CAPS2: variants seen among roughly 807,000 people sequenced by gnomAD.
The protein encoded by CAPS2 is calcyphosin-2.
A neutral mutation model predicts 86.5 loss-of-function variants in CAPS2; 98 were observed. That is an observed-to-expected ratio of 1.13 (90% CI 0.96 to 1.34). The LOEUF is 1.34. Ranked by LOEUF, CAPS2 falls within the 40% of genes most tolerant of loss-of-function variation. CAPS2 has a pLI of 0.00. For synonymous variants in CAPS2, 210 were observed against 225.1 expected (o/e 0.93, Z 0.60); for missense variants, 729 against 686.8 (o/e 1.06, Z -0.69).
chr12:75,316,196 A>G, intron 6 of CAPS2, 116 bp downstream of exon 6: 1 of 1,272,204 alleles, frequency 7.9e-7, no homozygotes, highest in Non-Finnish European at 1.1e-6. Context: ...ATTAATGAAT[A>G]TTCACCCGAG....
intron 1 of CAPS2, among the ~76,000 whole-genome samples, chr12:75,354,209 CTT>C (rs1201837639): frequency 1.3e-5 from 2 of 151,482 alleles, no homozygotes; most frequent in Non-Finnish European, 2.9e-5. Flanking sequence ...GTCAAATTGT[CTT>C]TGTCTTTGTT....
intron 1 of CAPS2, among the ~76,000 whole-genome samples, chr12:75,355,805 G>T (rs917700348): frequency 6.6e-6 from 1 of 152,132 alleles, no homozygotes; most frequent in African/African-American, 2.4e-5. Flanking sequence ...CCATAAAAAG[G>T]AATGAGATCA....
At chr12:75,380,161 C>T (rs968389034) in intron 1 of CAPS2, among the ~76,000 whole-genome samples, 4 of 151,858 alleles carry the variant, frequency 2.6e-5, no homozygotes, top group Admixed American at 2.6e-4. Context: ...TAAAAAGAAA[C>T]ACTTCTGACG....
intron 14 of CAPS2, among the ~76,000 whole-genome samples, chr12:75,286,671 G>A (rs2034929522): frequency 6.6e-6 from 1 of 151,628 alleles, no homozygotes; most frequent in East Asian, 1.9e-4. Flanking sequence ...CTCAAATCAG[G>A]GAGAATGGCT....
chr12:75,288,852 G>A (rs751904993), intron 14 of CAPS2, among the ~76,000 whole-genome samples: 2 of 152,022 alleles, frequency 1.3e-5, no homozygotes, highest in Non-Finnish European at 2.9e-5. Flanking sequence ...CTACTGGCAG[G>A]CAGAGTCAGA....
intron 1 of CAPS2, among the ~76,000 whole-genome samples, chr12:75,341,289 C>T (rs749509341): frequency 6.6e-6 from 1 of 152,066 alleles, no homozygotes; most frequent in Non-Finnish European, 1.5e-5. Flanking sequence ...AACTGTGGTA[C>T]ATCTATACCA....
chr12:75,330,713 TATA>T (rs1411023719), upstream of CAPS2, among the ~76,000 whole-genome samples: 1 of 152,074 alleles, frequency 6.6e-6, no homozygotes, highest in Admixed American at 6.6e-5. Context: ...TGTGTGTATA[TATA>T]ATTAAAATTT....
At chr12:75,304,318 T>C (rs2038179557) in intron 8 of CAPS2, among the ~76,000 whole-genome samples, 2 of 152,160 alleles carry the variant, frequency 1.3e-5, no homozygotes, top group Admixed American at 1.3e-4. Context: ...GTTGAAGAAT[T>C]TAAGTGGACA....
chr12:75,332,429 G>A (rs2041396687), upstream of CAPS2, among the ~76,000 whole-genome samples: 1 of 151,926 alleles, frequency 6.6e-6, no homozygotes, highest in Non-Finnish European at 1.5e-5. Context: ...GTATTTATTT[G>A]TTCATTCAGC....
At chr12:75,375,059 G>A (rs931752558) in intron 1 of CAPS2, among the ~76,000 whole-genome samples, 5 of 152,146 alleles carry the variant, frequency 3.3e-5, no homozygotes, top group Non-Finnish European at 7.4e-5. Flanking sequence ...CTGCAATATT[G>A]TTTTTGATTT....
chr12:75,319,085 T>C (rs2040057541), intron 5 of CAPS2, among the ~76,000 whole-genome samples: 2 of 152,184 alleles, frequency 1.3e-5, no homozygotes, highest in South Asian at 4.1e-4. Context: ...AGATGTCTCA[T>C]TATTTTAAAA....
chr12:75,316,416 C>G lies in CAPS2; in HGVS notation c.487G>C (p.Ala163Pro), dbSNP rs374515332. The G allele has an allele frequency of 1.5e-4, 238 of 1,549,692 alleles. No individual in the cohort carries two copies. In the African/African-American group the frequency reaches 2.7e-3, roughly 17 times the overall value. The stretch of plus-strand genomic sequence containing the variant: ...AGAGTCGTAAGGTCATCTGTGTTGG[C>G]TTCTTCATCTTGCACACACTATGCA... Residue 163 changes from alanine to proline, a missense_variant, in exon 6 of 17, where the codon GCC (alanine) becomes CCC (proline). By Grantham distance (27) the Ala-to-Pro change is conservative (BLOSUM62 -1). Transcript: ENST00000393284.
intron 7 of CAPS2, among the ~76,000 whole-genome samples, chr12:75,307,105 A>T (rs2038595184): frequency 6.6e-6 from 1 of 152,158 alleles, no homozygotes; most frequent in Non-Finnish European, 1.5e-5. Context: ...GACTGCCTGG[A>T]TTCAATCCTT....
At chr12:75,361,399 T>C (rs1052499831) in intron 1 of CAPS2, among the ~76,000 whole-genome samples, 3 of 152,176 alleles carry the variant, frequency 2.0e-5, no homozygotes, top group Non-Finnish European at 4.4e-5. Flanking sequence ...CTTTCAGGTT[T>C]TAAACTGTCT....
Position 75,351,550 on chromosome 12 carries a change from G to T in CAPS2, c.-394-28328C>A, listed in dbSNP as rs79169014. Among the ~76,000 whole-genome samples, 1,091 of 131,070 alleles carry T rather than the reference G, an allele frequency of 8.3e-3. 11 individuals carry two copies. Among genetic ancestry groups the T allele is most frequent in the African/African-American group, 0.024 (860 of 36,458 alleles). The allele number at this position is 131,070 out of a possible 152,430, so 86.0% of individuals were successfully genotyped here. A position where few individuals can be genotyped will look rare whatever the true frequency, so the allele number is the denominator to read the frequency against. On this transcript the variant is annotated intron_variant, in intron 1 of 5. Coordinates refer to the CAPS2 transcript ENST00000551829. ...AATATTTAACACTCTGTTTTGTTTT[G>T]TTTTTTTTTTTTTTGAGATGGAGTC...
At chr12:75,295,477 C>G (rs556071820) in intron 11 of CAPS2, among the ~76,000 whole-genome samples, 2 of 152,278 alleles carry the variant, frequency 1.3e-5, no homozygotes, top group African/African-American at 4.8e-5. Flanking sequence ...ATACGATGTT[C>G]GCTTTGTCTT....
At chr12:75,295,157 C>A (rs950243537) in intron 11 of CAPS2, 5 of 152,150 alleles carry the variant, frequency 3.3e-5, no homozygotes, top group Non-Finnish European at 7.4e-5. Flanking sequence ...ACAACAACAA[C>A]AACAAACAGA....
At chr12:75,279,412 A>C (rs1382361005) in intron 16 of CAPS2, among the ~76,000 whole-genome samples, 4 of 151,982 alleles carry the variant, frequency 2.6e-5, no homozygotes, top group African/African-American at 9.7e-5. Flanking sequence ...ACAGAGGCCC[A>C]TATATAATAG....
chr12:75,316,336 T>C (rs1173999356), exon 6 of CAPS2: 4 of 1,551,012 alleles, frequency 2.6e-6, no homozygotes, highest in African/African-American at 1.4e-5. Context: ...TTGCCCTCTG[T>C]TGTTTATCGC....
Sources: gnomAD v4.1 joint callset for allele counts (sites outside exome capture counted in the v4.1 genomes callset) on GRCh38, gnomAD v4.1.1 for gene constraint, MANE v1.5 for transcripts, NCBI Gene and HGNC (gene_info 2026-07-23, HGNC 2026-07-21) for gene names.